ZNF33A: variants seen among roughly 807,000 people sequenced by gnomAD.
The protein encoded by ZNF33A is zinc finger protein 33A.
In ZNF33A, 9 loss-of-function variants were observed where a neutral mutation model predicts 15.9. The observed-to-expected ratio is 0.57, with a 90% CI of 0.34 to 0.99. ZNF33A has a LOEUF of 0.99. Ranked by LOEUF, ZNF33A falls within the 50% of genes least tolerant of loss-of-function variation. The pLI is 0.02. For missense variants in ZNF33A, 843 were observed against 941.6 expected (o/e 0.90, Z 1.37); for synonymous variants, 294 against 324.2 (o/e 0.91, Z 1.00).
intron 2 of ZNF33A, among the ~76,000 whole-genome samples, chr10:38,013,167 G>A (rs2064275476): frequency 6.8e-6 from 1 of 147,964 alleles, no homozygotes; most frequent in Non-Finnish European, 1.5e-5. Flanking sequence ...CTGGAGTACA[G>A]TGGCGCGATC....
Position 38,028,054 on chromosome 10 carries a change from C to T in ZNF33A, c.250+10668C>T, listed in dbSNP as rs112091082. ...CAGCACTTTGGGAGGATCTCTTGAG[C>T]CCAGGAGTTGGAGACTAGCCTGGTC... On this transcript the variant is annotated intron_variant, in intron 4 of 4. Coordinates refer to ENST00000432900, the MANE Select transcript of ZNF33A (RefSeq NM_006954.2). Among the ~76,000 whole-genome samples the T allele has an allele frequency of 1.6e-3, 246 of 152,130 alleles. 1 individual carries two copies. The highest frequency in any genetic ancestry group is 5.6e-3 in the African/African-American group (233 of 41,522).
At position 38,054,927 on chromosome 10, in the gene ZNF33A, C is replaced by G; in HGVS notation, c.803C>G (p.Ser268Cys). The G allele has an allele frequency of 6.2e-7, 1 of 1,613,940 alleles. No homozygotes were observed. The highest frequency in any genetic ancestry group is 1.7e-5 in the Admixed American group (1 of 59,984). Residue 268 changes from serine (S) to cysteine (C), a missense_variant, in exon 5 of 5, where the codon TCT becomes TGT. Transcript: ENST00000432900. Reference protein sequence around the residue: ...DSSSLLFHQISPSRDNHYEFS... With the variant: ...DSSSLLFHQICPSRDNHYEFS... ...TCATCCCTCTTGTTCCATCAGATATCTCCGTCAAGGGACAATCACTATGAA... is the reference window on the plus strand; with the variant it reads ...TCATCCCTCTTGTTCCATCAGATATGTCCGTCAAGGGACAATCACTATGAA...
downstream of ZNF33A, among the ~76,000 whole-genome samples, chr10:38,066,274 T>A (rs973955855): frequency 2.0e-5 from 3 of 151,912 alleles, no homozygotes; most frequent in African/African-American, 4.8e-5. Context: ...AGGGTTTTTT[T>A]ATTATTTATT....
chr10:38,033,343 A>G (rs1422025662), intron 4 of ZNF33A, among the ~76,000 whole-genome samples: 1 of 152,246 alleles, frequency 6.6e-6, no homozygotes, highest in Non-Finnish European at 1.5e-5. Context: ...CATTTTATGT[A>G]TCCATTTGTC....
At chr10:38,025,675 T>C (rs1243501293) in intron 4 of ZNF33A, among the ~76,000 whole-genome samples, 2 of 152,254 alleles carry the variant, frequency 1.3e-5, no homozygotes, top group Admixed American at 6.5e-5. Flanking sequence ...TATTTTGTTA[T>C]GGCAGCCGAA....
chr10:38,067,599 G>C (rs1467819907), downstream of ZNF33A, among the ~76,000 whole-genome samples: 1 of 152,144 alleles, frequency 6.6e-6, no homozygotes, highest in Non-Finnish European at 1.5e-5. Context: ...TCAAGGTGTT[G>C]AGTCCCAGTG....
intron 4 of ZNF33A, among the ~76,000 whole-genome samples, chr10:38,023,627 C>T (rs1176759657): frequency 1.3e-5 from 2 of 152,148 alleles, no homozygotes; most frequent in Non-Finnish European, 2.9e-5. Context: ...GATGAATGAA[C>T]ATGCACAAAA....
intron 2 of ZNF33A, among the ~76,000 whole-genome samples, chr10:38,016,544 G>A (rs1846497110): frequency 1.3e-5 from 2 of 152,122 alleles, no homozygotes; most frequent in African/African-American, 4.8e-5. Flanking sequence ...TGCTCCTAAT[G>A]TTAGTCTACT....
In ZNF33A at chr10:38,059,359, G is replaced by A. The variant is rs2066609518; in HGVS notation, c.*2799G>A. ...CATTGTACTGGAAGTGCTATATAATGCAGTGTTAAAAAAAAAAGAAATAAA... is the reference window on the plus strand; with the variant it reads ...CATTGTACTGGAAGTGCTATATAATACAGTGTTAAAAAAAAAAGAAATAAA... On this transcript the variant is annotated 3_prime_UTR_variant, in exon 5 of 5. Transcript: ENST00000432900. The A allele has an allele frequency of 6.6e-6, 1 of 152,048 alleles. No homozygotes were observed. The highest frequency in any genetic ancestry group is 1.5e-5 in the Non-Finnish European group (1 of 68,034). 9.4% of individuals were successfully genotyped at this position (152,048 alleles called of 1,614,324 possible). A position where few individuals can be genotyped will look rare whatever the true frequency, so the allele number is the denominator to read the frequency against.
intron 4 of ZNF33A, among the ~76,000 whole-genome samples, chr10:38,052,971 A>G (rs528963910): frequency 1.3e-5 from 2 of 151,678 alleles, no homozygotes; most frequent in East Asian, 1.9e-4. Context: ...GCAATAACAT[A>G]TATACTATAT....
At chr10:38,014,841 T>G (rs2064371770) in intron 2 of ZNF33A, among the ~76,000 whole-genome samples, 1 of 152,172 alleles carries the variant, frequency 6.6e-6, no homozygotes, top group Non-Finnish European at 1.5e-5. Flanking sequence ...TGCTGAGACT[T>G]TCTTTGGGGT....
intron 4 of ZNF33A, among the ~76,000 whole-genome samples, chr10:38,052,796 G>A (rs1258560098): frequency 1.3e-5 from 2 of 151,958 alleles, no homozygotes; most frequent in Non-Finnish European, 1.5e-5. Flanking sequence ...ACATCTAGTA[G>A]TTTTATTAAG....
chr10:38,033,780 C>A (rs927578263), intron 4 of ZNF33A, among the ~76,000 whole-genome samples: 1 of 150,496 alleles, frequency 6.6e-6, no homozygotes, highest in South Asian at 2.1e-4. Flanking sequence ...GTGGTGGGAT[C>A]TTGGCTCACT....
intron 4 of ZNF33A, among the ~76,000 whole-genome samples, chr10:38,046,646 T>G (rs1385366102): frequency 1.3e-5 from 2 of 152,148 alleles, no homozygotes; most frequent in Non-Finnish European, 1.5e-5. Context: ...TACAGACATG[T>G]GGGAAAACAT....
At chr10:38,020,761 A>C (rs554088299) in intron 4 of ZNF33A, among the ~76,000 whole-genome samples, 59 of 152,324 alleles carry the variant, frequency 3.9e-4, no homozygotes, top group Non-Finnish European at 6.8e-4. Context: ...GTTGATTCCA[A>C]ATCTTAGCTC....
chr10:38,036,979 T>C (rs1443135680), intron 4 of ZNF33A, among the ~76,000 whole-genome samples: 4 of 152,242 alleles, frequency 2.6e-5, no homozygotes, highest in Non-Finnish European at 5.9e-5. Flanking sequence ...ATATTCTGTT[T>C]AGCAGTCCCT....
At position 38,056,970 on chromosome 10, in the gene ZNF33A, T is replaced by G. The variant is rs749683232; in HGVS notation, c.*410T>G. The stretch of plus-strand genomic sequence containing the variant: ...ATAACCTCACAAGAAGTTTAATGAG[T>G]AGAGAGAATTCCCATGTACACTTCA... On this transcript the variant is annotated 3_prime_UTR_variant, in exon 5 of 5. Transcript: ENST00000432900. The G allele has an allele frequency of 1.0e-5, 9 of 886,506 alleles. No homozygotes were observed. The highest frequency in any genetic ancestry group is 1.2e-5 in the Non-Finnish European group (9 of 738,098). 54.9% of individuals were successfully genotyped at this position (886,506 alleles called of 1,614,324 possible).
At chr10:38,022,657 C>CAAAAAAAAA (rs35295191) in intron 4 of ZNF33A, among the ~76,000 whole-genome samples, 2 of 90,916 alleles carry the variant, frequency 2.2e-5, no homozygotes, top group African/African-American at 4.2e-5. Context: ...AACTCTGTCT[C>CAAAAAAAAA]AAAAAAAAAA....
chr10:38,066,014 A>C (rs1469228571), downstream of ZNF33A, among the ~76,000 whole-genome samples: 3 of 152,024 alleles, frequency 2.0e-5, no homozygotes, highest in African/African-American at 2.4e-5. Flanking sequence ...TCATTCTGGG[A>C]TTTGATGTAG....
Sources: allele counts gnomAD v4.1 joint callset (sites outside exome capture counted in the v4.1 genomes callset), GRCh38; gene constraint gnomAD v4.1.1; transcripts MANE v1.5; gene names NCBI Gene and HGNC (gene_info 2026-07-23, HGNC 2026-07-21).